Variants in FBN2 observed in about 807,000 individuals in gnomAD.
FBN2 encodes the protein fibrillin-2.
In FBN2, 105 loss-of-function variants were observed where a neutral mutation model predicts 355.6. The observed-to-expected ratio is 0.30, with a 90% confidence interval of 0.25 to 0.35. The LOEUF is 0.35. Ranked by LOEUF, FBN2 falls within the 10% of genes least tolerant of loss-of-function variation. The pLI is 1.00. For missense variants in FBN2, 3,280 were observed against 3,758.7 expected, an observed-to-expected ratio of 0.87 and a Z score of 3.33; for synonymous variants, 1,350 against 1,301.2, an observed-to-expected ratio of 1.04 and a Z score of -0.81.
intron 14 of FBN2, 28 bp downstream of exon 14, chr5:128,376,703 C>A (rs779236315): frequency 2.7e-5 from 43 of 1,613,034 alleles, no homozygotes; most frequent in Non-Finnish European, 3.6e-5. Context: ...CAATCATGGT[C>A]ACTTTCCTAT....
In FBN2 at chr5:128,284,064, T is replaced by C. The variant is rs530936609; in HGVS notation, c.7012+2654A>G. Among the ~76,000 whole-genome samples, 318 of 152,296 alleles carry C rather than the reference T, an allele frequency of 2.1e-3. 1 individual carries two copies. The highest frequency in any genetic ancestry group is 3.6e-3 in the Non-Finnish European group (242 of 68,022). ...TAAGACAGTCACCTAAATGAAACCCTTGTTTCTGCTACCACCTCCTTCAAA... is the reference window on the plus strand; with the variant it reads ...TAAGACAGTCACCTAAATGAAACCCCTGTTTCTGCTACCACCTCCTTCAAA... On this transcript the variant is annotated intron_variant, in intron 55 of 64. Coordinates refer to ENST00000262464, the MANE Select transcript of FBN2 (RefSeq NM_001999.4).
chr5:128,338,337 T>C (rs1750901638), intron 26 of FBN2, among the ~76,000 whole-genome samples: 1 of 152,214 alleles, frequency 6.6e-6, no homozygotes, highest in African/African-American at 2.4e-5. Flanking sequence ...TCAAGAAATT[T>C]AATTGCATGA....
chr5:128,527,859 C>A lies in FBN2; in HGVS notation c.532+13G>T. 1.3e-6 allele frequency: 2 copies of A among 1,522,618 alleles called. No homozygotes were observed. The highest frequency in any genetic ancestry group is 2.2e-5 in the South Asian group (2 of 88,958). 94.3% of individuals were successfully genotyped at this position (1,522,618 alleles called of 1,614,324 possible). ...CCAAATCAAATGATTTCTAATAAAT[C>A]AATGTCCCTTACGTTGTCCACAATA... On this transcript the variant is annotated intron_variant, in intron 4 of 64. Transcript: ENST00000262464.
rs755257603 is a variant in FBN2, at chr5:128,349,976, T to A, written c.2842A>T (p.Ile948Phe). 4 of 1,613,996 alleles carry A rather than the reference T, an allele frequency of 2.5e-6. No individual in the cohort carries two copies. The highest frequency in any genetic ancestry group is 3.4e-6 in the Non-Finnish European group (4 of 1,179,840). Reference sequence around the variant, plus strand: ...TCACCTTCACACGTAACACCTTTAATCCTGGCAAGCCCTCTTGGGCAAGCT... The same window carrying A: ...TCACCTTCACACGTAACACCTTTAAACCTGGCAAGCCCTCTTGGGCAAGCT... Reference protein sequence around the residue: ...DTACPRGLARIKGVTCEDVNE... With the variant: ...DTACPRGLARFKGVTCEDVNE... Residue 948 changes from isoleucine to phenylalanine, a missense_variant, in exon 22 of 65, where the codon ATT (isoleucine) becomes TTT (phenylalanine). Physicochemically the swap from Ile to Phe is conservative, Grantham distance 21. Transcript: ENST00000262464.
At chr5:128,484,866 A>G (rs1019869596) in intron 5 of FBN2, among the ~76,000 whole-genome samples, 1 of 152,152 alleles carries the variant, frequency 6.6e-6, no homozygotes, top group Non-Finnish European at 1.5e-5. Flanking sequence ...ACTCAACCCA[A>G]CAACACTGAG....
intron 20 of FBN2, among the ~76,000 whole-genome samples, chr5:128,356,136 G>A (rs1250722431): frequency 6.6e-6 from 1 of 150,894 alleles, no homozygotes; most frequent in Non-Finnish European, 1.5e-5. Context: ...ACACCCCACC[G>A]CCCCCCCAAC....
chr5:128,407,526 T>C (rs1007178983), intron 8 of FBN2, among the ~76,000 whole-genome samples: 2 of 152,208 alleles, frequency 1.3e-5, no homozygotes, highest in Admixed American at 1.3e-4. Context: ...ACACGGTATG[T>C]GTAATATCTT....
intron 7 of FBN2, chr5:128,442,258 C>T (rs1319669715): frequency 2.2e-6 from 1 of 450,664 alleles, no homozygotes; most frequent in African/African-American, 2.0e-5. Context: ...CTTTTTCTGC[C>T]TCCCATGTAA....
At chr5:128,529,826 C>T (rs1199025060) in intron 3 of FBN2, among the ~76,000 whole-genome samples, 1 of 152,050 alleles carries the variant, frequency 6.6e-6, no homozygotes, top group Admixed American at 6.6e-5. Flanking sequence ...ATGGCAGATT[C>T]AAAGGAAGTG....
chr5:128,303,854 C>G (rs1749788316), intron 45 of FBN2, among the ~76,000 whole-genome samples: 1 of 152,132 alleles, frequency 6.6e-6, no homozygotes, highest in Admixed American at 6.6e-5. Flanking sequence ...GTAAATCATA[C>G]TCTCTCTGGG....
At chr5:128,324,640 G>A (rs1458260840) in intron 34 of FBN2, among the ~76,000 whole-genome samples, 21 of 144,984 alleles carry the variant, frequency 1.4e-4, no homozygotes, top group Admixed American at 6.9e-5. Context: ...TTTTTGAGAT[G>A]GAGTCTCGCT....
rs1180726296 is a variant in FBN2, at chr5:128,479,930, G to GTCTCTC, written c.629-15015_629-15010dup. Among the ~76,000 whole-genome samples, 31 of 58,146 alleles carry GTCTCTC rather than the reference G, an allele frequency of 5.3e-4. 1 individual carries two copies. The highest frequency in any genetic ancestry group is 1.7e-3 in the East Asian group (2 of 1,144). The allele number at this position is 58,146 out of a possible 152,430, so 38.1% of individuals were successfully genotyped here. Reference sequence around the variant, plus strand: ...CAACAGAACAAGACCTTGTCTCCTTGTCTCTCTCTCTCTCTCTCTCTCTCT... The same window carrying GTCTCTC: ...CAACAGAACAAGACCTTGTCTCCTTGTCTCTCTCTCTCTCTCTCTCTCTCTCTCTCT... On this transcript the variant is annotated intron_variant, in intron 5 of 64. Transcript: ENST00000262464.
At chr5:128,326,355 T>C (rs1372379050) in intron 34 of FBN2, among the ~76,000 whole-genome samples, 1 of 152,166 alleles carries the variant, frequency 6.6e-6, no homozygotes, top group African/African-American at 2.4e-5. Context: ...ACTTAGCCTT[T>C]GCTCTCTCCT....
At position 128,519,326 on chromosome 5, in the gene FBN2, C is replaced by T. The variant is rs1756367942; in HGVS notation, c.575G>A (p.Gly192Glu). ...NGCQNGGRCI[G>E]PNRCACVYGF... ...ATAAACACAAGCACAGCGGTTGGGT[C>T]CGATGCAACGTCCACCATTCTGACA... is the stretch of plus-strand genomic sequence containing the variant. The change falls in exon 5 of 65, where the codon GGA (glycine) becomes GAA (glutamate). Residue 192 changes from glycine to glutamate, a missense_variant. Gly to Glu is a moderately conservative substitution (Grantham distance 98). Around this residue, in one of 6 missense-constraint regions of FBN2, gnomAD observed 130 missense variants for 189.9 expected, o/e 0.68. Transcript: ENST00000262464. The T allele has an allele frequency of 6.2e-7, 1 of 1,613,882 alleles. No individual in the cohort carries two copies. The highest frequency in any genetic ancestry group is 1.3e-5 in the African/African-American group (1 of 74,914).
intron 48 of FBN2, among the ~76,000 whole-genome samples, chr5:128,292,079 T>C (rs893644498): frequency 3.9e-5 from 6 of 152,138 alleles, no homozygotes; most frequent in Non-Finnish European, 2.9e-5. Context: ...GCAAGCAGAA[T>C]GTGGCAGCCA....
chr5:128,503,601 GCC>G (rs1195424207), intron 5 of FBN2, among the ~76,000 whole-genome samples: 4 of 152,172 alleles, frequency 2.6e-5, no homozygotes, highest in Non-Finnish European at 5.9e-5. Flanking sequence ...GCAGCATTTT[GCC>G]CCTGTCCTAG....
rs1459537596 is a variant in FBN2, at chr5:128,258,342, G to C, written c.*1113C>G. 1 of 152,448 alleles carries C rather than the reference G, an allele frequency of 6.6e-6. No individual in the cohort carries two copies. The highest frequency in any genetic ancestry group is 1.9e-4 in the East Asian group (1 of 5,192). The allele number at this position is 152,448 out of a possible 1,614,324, so 9.4% of individuals were successfully genotyped here. ...AGGCTATGATAAAATGAGGCATATG[G>C]TGTATAACTACAGTATTAATGAAAA... On this transcript the variant is annotated 3_prime_UTR_variant, in exon 65 of 65. Transcript: ENST00000262464.
Position 128,258,038 on chromosome 5 carries a change from T to C in FBN2, c.*1417A>G, listed in dbSNP as rs1561732713. The C allele has an allele frequency of 6.6e-6, 1 of 152,516 alleles. No individual in the cohort carries two copies. The highest frequency in any genetic ancestry group is 2.4e-5 in the African/African-American group (1 of 41,358). The allele number at this position is 152,516 out of a possible 1,614,324, so 9.4% of individuals were successfully genotyped here. A position where few individuals can be genotyped will look rare whatever the true frequency, so the allele number is the denominator to read the frequency against. ...ATTACAAATTTACACTGTTCCTTTT[T>C]TCTTTTTAGTTATTAAAAAAACAAT... On this transcript the variant is annotated 3_prime_UTR_variant, in exon 65 of 65. Transcript: ENST00000262464.
chr5:128,327,927 C>A (rs894133065), intron 34 of FBN2: 5 of 152,340 alleles, frequency 3.3e-5, no homozygotes, highest in African/African-American at 1.2e-4. Context: ...CGTGAGCCAC[C>A]ACGCCTGGCC....
Sources: gnomAD v4.1 joint callset for allele counts (sites outside exome capture counted in the v4.1 genomes callset) on GRCh38, gnomAD v4.1.1 for gene constraint, gnomAD v4.1.1 regional missense constraint, MANE v1.5 for transcripts, NCBI Gene and HGNC (gene_info 2026-07-23, HGNC 2026-07-21) for gene names.